Variants in DNAH17 observed in about 807,000 individuals in gnomAD.
DNAH17 encodes the protein dynein axonemal heavy chain 17.
A neutral mutation model predicts 485.6 loss-of-function variants in DNAH17; 376 were observed. The observed-to-expected ratio is 0.77, with a 90% CI of 0.71 to 0.84. DNAH17 has a LOEUF of 0.84. Ranked by LOEUF, DNAH17 falls within the 40% of genes least tolerant of loss-of-function variation. DNAH17 has a pLI of 0.00. For missense variants in DNAH17, 6,370 were observed against 5,839.3 expected, an observed-to-expected ratio of 1.09 and a Z score of -2.96; for synonymous variants, 3,031 against 2,405.9, an observed-to-expected ratio of 1.26 and a Z score of -7.60.
At chr17:78,490,567 ACTGGTGC>A in intron 44 of DNAH17, 125 bp downstream of exon 44, 2 of 1,305,402 alleles carry the variant, frequency 1.5e-6, no homozygotes, top group Non-Finnish European at 2.1e-6. Context: ...CTGCTGTGAC[ACTGGTGC>A]CTGGTGAGGG....
chr17:78,505,480 G>A lies in DNAH17; in HGVS notation c.4804-35C>T, dbSNP rs374834495. The A allele has an allele frequency of 2.5e-6, 4 of 1,613,396 alleles. No individual in the cohort carries two copies. The East Asian group carries it at 6.7e-5, about 27-fold the overall frequency. On this transcript the variant is annotated intron_variant, in intron 30 of 80. Coordinates refer to ENST00000389840, the MANE Select transcript of DNAH17 (RefSeq NM_173628.4). ...GGCAAGAAGCGGGAATTATGCAACG[G>A]GGGATTTGAAAGGCATGTGCGTGGC...
intron 16 of DNAH17, among the ~76,000 whole-genome samples, chr17:78,546,630 G>C (rs1598699830): frequency 6.6e-6 from 1 of 152,296 alleles, no homozygotes; most frequent in South Asian, 2.1e-4. Flanking sequence ...TTGCAGCTGG[G>C]CATGGTGATT....
intron 16 of DNAH17, among the ~76,000 whole-genome samples, chr17:78,550,898 G>A (rs959806958): frequency 6.6e-6 from 1 of 152,168 alleles, no homozygotes; most frequent in Non-Finnish European, 1.5e-5. Flanking sequence ...TGAGGAAATT[G>A]CGTGAGAAAT....
Position 78,486,013 on chromosome 17 carries a change from G to A in DNAH17, c.7222C>T (p.Pro2408Ser), listed in dbSNP as rs147245402. ...YIDPDTKKFL[P>S]WTDKVPSFEL... is the part of the protein sequence containing the mutation. ...AAGGAGGGCACTTTATCTGTCCAGG[G>A]CAGGAACTTTTTTGTGTCAGGATCA... Residue 2408 changes from proline to serine, a missense_variant, in exon 46 of 81, where the codon CCC (proline) becomes TCC (serine). Physicochemically the swap from Pro to Ser is moderately conservative, Grantham distance 74. Transcript: ENST00000389840. The A allele has an allele frequency of 1.1e-5, 18 of 1,613,894 alleles. No homozygotes were observed. In the East Asian group the frequency reaches 2.5e-4, roughly 22 times the overall value.
chr17:78,523,444 G>A (rs1037413844), intron 25 of DNAH17, among the ~76,000 whole-genome samples: 3 of 152,026 alleles, frequency 2.0e-5, no homozygotes, highest in Non-Finnish European at 2.9e-5. Context: ...ATTTTACCCT[G>A]CCTCTCCTTT....
intron 33 of DNAH17, 123 bp from the exon 34 acceptor site, chr17:78,501,996 A>T: frequency 7.0e-7 from 1 of 1,422,198 alleles, no homozygotes; most frequent in Non-Finnish European, 9.6e-7. Context: ...GTAATGAAAA[A>T]CAAGAGCGCC....
At chr17:78,472,348 T>C (rs1443608959) in intron 54 of DNAH17, among the ~76,000 whole-genome samples, 1 of 150,190 alleles carries the variant, frequency 6.7e-6, no homozygotes, top group Non-Finnish European at 1.5e-5. Flanking sequence ...GGATTAGGGT[T>C]AGGATTTGGG....
chr17:78,472,930 C>G (rs8075579), intron 54 of DNAH17, among the ~76,000 whole-genome samples: 19,970 of 152,190 alleles, frequency 0.13, 1,390 homozygotes, highest in South Asian at 0.21. Context: ...GATCAGACAT[C>G]TTGATGTAGT....
intron 54 of DNAH17, chr17:78,472,630 G>A (rs553252980): frequency 1.2e-5 from 5 of 427,262 alleles, no homozygotes; most frequent in South Asian, 8.1e-5. Flanking sequence ...GGGGCTGTGT[G>A]TGGGGTGTGG....
intron 68 of DNAH17, 53 bp from the exon 69 acceptor site, chr17:78,449,637 C>G: frequency 6.6e-7 from 1 of 1,509,644 alleles, no homozygotes; most frequent in East Asian, 2.4e-5. Context: ...GAGCCCTTCA[C>G]CACTCCCCGC....
In DNAH17 at chr17:78,569,488, G is replaced by A; in HGVS notation, c.1084C>T (p.Leu362=). ...FLSPEEVLKG[L]QGEIEEVLSG... Reference sequence around the variant, plus strand: ...AGGACTTCCTCGATTTCACCTTGCAGGCCCTTCAGCACCTCTTCCGGGCTC... The same window carrying A: ...AGGACTTCCTCGATTTCACCTTGCAAGCCCTTCAGCACCTCTTCCGGGCTC... The change falls in exon 8 of 81, where the codon CTG becomes TTG. Residue 362 remains leucine (L), a synonymous_variant. Coordinates refer to ENST00000389840, the MANE Select transcript of DNAH17 (RefSeq NM_173628.4). 6.2e-7 allele frequency: 1 copy of A among 1,610,590 alleles called. No individual in the cohort carries two copies. Among genetic ancestry groups the A allele is most frequent in the Non-Finnish European group, 8.5e-7 (1 of 1,178,340 alleles).
chr17:78,483,965 G>A (rs934107775), intron 48 of DNAH17, among the ~76,000 whole-genome samples: 3 of 150,956 alleles, frequency 2.0e-5, no homozygotes, highest in East Asian at 2.0e-4. Context: ...GCGTGGTGGT[G>A]GGCACCTGTA....
At chr17:78,527,235 T>G (rs56938675) in intron 22 of DNAH17, among the ~76,000 whole-genome samples, 1 of 151,996 alleles carries the variant, frequency 6.6e-6, no homozygotes, top group Non-Finnish European at 1.5e-5. Flanking sequence ...ATACAAATTC[T>G]TTTTAGCTGG....
chr17:78,546,344 G>A (rs564082112), intron 16 of DNAH17, among the ~76,000 whole-genome samples: 1 of 152,152 alleles, frequency 6.6e-6, no homozygotes, highest in African/African-American at 2.4e-5. Context: ...GATATCTCTT[G>A]GAAGTAGCAT....
rs555075106 is a variant in DNAH17, at chr17:78,429,193, G to A, written c.12333C>T (p.Ile4111=). The change falls in exon 76 of 81, where the codon ATC becomes ATT. Residue 4111 remains isoleucine (I), a synonymous_variant. Coordinates refer to ENST00000389840, the MANE Select transcript of DNAH17 (RefSeq NM_173628.4). The stretch of plus-strand genomic sequence containing the variant: ...CGTCTCCCTCCAGCATCTCCGTCCG[G>A]ATGTATTCAGCCAGGTAGGTCCTGC... ...RLCRTYLAEY[I]RTEMLEGDVL... The A allele has an allele frequency of 1.4e-5, 22 of 1,613,830 alleles. No individual in the cohort carries two copies. The African/African-American group carries it at 2.7e-4, about 20-fold the overall frequency.
chr17:78,556,305 G>A (rs2092022325), intron 14 of DNAH17, among the ~76,000 whole-genome samples: 1 of 152,122 alleles, frequency 6.6e-6, no homozygotes, highest in East Asian at 1.9e-4. Flanking sequence ...ATGGCCATGA[G>A]CCCAGGAAGG....
intron 51 of DNAH17, among the ~76,000 whole-genome samples, chr17:78,477,530 C>T (rs925789440): frequency 1.3e-5 from 2 of 152,190 alleles, no homozygotes; most frequent in South Asian, 2.1e-4. Context: ...AGGCACACTC[C>T]ACCATGCCCA....
chr17:78,498,197 C>G (rs2090143351), intron 37 of DNAH17, among the ~76,000 whole-genome samples: 1 of 151,486 alleles, frequency 6.6e-6, no homozygotes, highest in African/African-American at 2.4e-5. Flanking sequence ...ATAAATAAAG[C>G]AGGCTCTCCA....
chr17:78,470,224 T>C (rs1829688819), intron 54 of DNAH17, among the ~76,000 whole-genome samples: 1 of 151,238 alleles, frequency 6.6e-6, no homozygotes, highest in African/African-American at 2.4e-5. Flanking sequence ...TGTGCCACCA[T>C]GCTCAGCTAA....
Sources: allele counts gnomAD v4.1 joint callset (sites outside exome capture counted in the v4.1 genomes callset), GRCh38; gene constraint gnomAD v4.1.1; transcripts MANE v1.5; gene names NCBI Gene and HGNC (gene_info 2026-07-23, HGNC 2026-07-21).